The following CC2D2A variants were observed in gnomAD, a reference collection of about 807,000 sequenced individuals.
CC2D2A encodes the protein coiled-coil and C2 domain-containing protein 2A.
A neutral mutation model predicts 212.9 loss-of-function variants in CC2D2A; 155 were observed. That is an observed-to-expected ratio of 0.73 (90% CI 0.64 to 0.83). The LOEUF (loss-of-function observed/expected upper bound fraction) is 0.83. Ranked by LOEUF, CC2D2A falls within the 40% of genes least tolerant of loss-of-function variation. The pLI, the probability that CC2D2A is intolerant of heterozygous loss-of-function variation, is 0.00. For synonymous variants in CC2D2A, 667 were observed against 686.5 expected (o/e 0.97, Z 0.44); for missense variants, 1,856 against 1,956.2 (o/e 0.95, Z 0.97).
At chr4:15,532,856 A>G (rs1424687587) in intron 13 of CC2D2A, among the ~76,000 whole-genome samples, 1 of 152,262 alleles carries the variant, frequency 6.6e-6, no homozygotes, top group Non-Finnish European at 1.5e-5. Context: ...CTAGGACAGC[A>G]GCATACTTTG....
chr4:15,536,782 C>T, intron 14 of CC2D2A, 138 bp from the exon 15 acceptor site: 1 of 735,214 alleles, frequency 1.4e-6, no homozygotes, highest in Non-Finnish European at 2.2e-6. Context: ...ATCTGCCTCA[C>T]AGGATTGTGA....
At chr4:15,493,369 G>A (rs902020081) in intron 4 of CC2D2A, among the ~76,000 whole-genome samples, 1 of 152,022 alleles carries the variant, frequency 6.6e-6, no homozygotes, top group African/African-American at 2.4e-5. Flanking sequence ...CCTGGGCACA[G>A]CCATCCTCCC....
chr4:15,560,691 G>T, intron 23 of CC2D2A, 69 bp downstream of exon 23: 1 of 686,360 alleles, frequency 1.5e-6, no homozygotes, highest in Non-Finnish European at 2.4e-6. Context: ...TTATATGAAA[G>T]GTATCATATA....
chr4:15,473,416 C>G (rs1713965782), intron 1 of CC2D2A, among the ~76,000 whole-genome samples: 1 of 152,120 alleles, frequency 6.6e-6, no homozygotes, highest in Non-Finnish European at 1.5e-5. Context: ...GAAAGTGAAA[C>G]AGCAAGAGCC....
rs762297266 is a variant in CC2D2A at position 15,580,120 on chromosome 4, C to A, written c.3924C>A (p.Asn1308Lys). Residue 1308 changes from asparagine to lysine, a missense_variant, in exon 30 of 37, where the codon AAC (asparagine) becomes AAA (lysine). This residue lies in a region of CC2D2A where 20 missense variants were observed against 46.9 expected (regional missense o/e 0.43). Transcript: ENST00000424120. ...VFITRYLKPL[N>K]PPQELLNVYP... ...TCACACGTTATCTCAAACCTTTAAA[C>A]CCTCCTCAGGAGCTCCTTAATGTCT... The A allele has an allele frequency of 5.0e-6, 8 of 1,613,888 alleles. No individual in the cohort carries two copies. The highest frequency in any genetic ancestry group is 2.2e-5 in the East Asian group (1 of 44,862).
In CC2D2A at chr4:15,560,572, A is replaced by G. The variant is rs779641505; in HGVS notation, c.2964A>G (p.Gln988=). 7.2e-6 allele frequency: 11 copies of G among 1,533,404 alleles called. No individual in the cohort carries two copies. In the East Asian group the frequency reaches 9.2e-5, roughly 13 times the overall value. The allele number at this position is 1,533,404 out of a possible 1,614,324, so 95.0% of individuals were successfully genotyped here. The change falls in exon 23 of 37, where the codon CAA becomes CAG. Residue 988 remains glutamine (Q), a synonymous_variant. Coordinates refer to ENST00000424120, the MANE Select transcript of CC2D2A (RefSeq NM_001378615.1). ...SVINRFLIAK[Q]YFLLADMIVE... ...TAAATCGTTTCTTAATTGCAAAACA[A>G]TATTTTCTTCTTGCTGATATGATAG... is the stretch of plus-strand genomic sequence containing the variant.
intron 30 of CC2D2A, among the ~76,000 whole-genome samples, chr4:15,584,866 A>T (rs1720798256): frequency 6.6e-6 from 1 of 152,250 alleles, no homozygotes; most frequent in Non-Finnish European, 1.5e-5. Context: ...TCTCAAAAGA[A>T]GACAAATGTC....
chr4:15,470,713 A>C (rs1438305749), intron 1 of CC2D2A, among the ~76,000 whole-genome samples: 1,225 of 87,400 alleles, frequency 0.014, 9 homozygotes, highest in Non-Finnish European at 0.021. Flanking sequence ...ATATATATAT[A>C]TATATATATA....
intron 30 of CC2D2A, among the ~76,000 whole-genome samples, chr4:15,585,953 A>G (rs1439669381): frequency 6.6e-6 from 1 of 152,208 alleles, no homozygotes; most frequent in African/African-American, 2.4e-5. Context: ...CAGTTTCTTC[A>G]TCTGTAAAGA....
At chr4:15,559,378 A>AT (rs1247628340) in intron 22 of CC2D2A, 121 bp downstream of exon 22, 4 of 625,994 alleles carry the variant, frequency 6.4e-6, no homozygotes, top group Admixed American at 6.8e-5. Flanking sequence ...GCTTGCATAA[A>AT]TTTCCTCATA....
At chr4:15,586,846 A>G (rs1177718647) in intron 31 of CC2D2A, among the ~76,000 whole-genome samples, 1 of 152,240 alleles carries the variant, frequency 6.6e-6, no homozygotes, top group African/African-American at 2.4e-5. Flanking sequence ...CATAAAACTG[A>G]ACTGTATTAT....
chr4:15,496,014 T>A (rs760424242), intron 4 of CC2D2A, among the ~76,000 whole-genome samples: 9 of 152,246 alleles, frequency 5.9e-5, no homozygotes, highest in Non-Finnish European at 1.2e-4. Flanking sequence ...TTTCAAATGT[T>A]TGTTGGCCAC....
Position 15,591,277 on chromosome 4 carries a change from C to T in CC2D2A, c.4314+1598C>T, listed in dbSNP as rs576151960. Among the ~76,000 whole-genome samples the T allele has an allele frequency of 1.5e-4, 22 of 146,382 alleles. 1 individual carries two copies. Among genetic ancestry groups the T allele is most frequent in the Admixed American group, 1.2e-3 (17 of 14,340 alleles). ...TCTTGTTGCCCAGGCTGGAGTGCAA[C>T]GGAGCGATCTCGGCTCAACGCAACC... On this transcript the variant is annotated intron_variant, in intron 33 of 36. Transcript: ENST00000424120.
intron 6 of CC2D2A, among the ~76,000 whole-genome samples, chr4:15,508,002 T>A (rs1331604663): frequency 1.3e-5 from 2 of 152,152 alleles, no homozygotes; most frequent in Non-Finnish European, 2.9e-5. Flanking sequence ...AGATAGGGAA[T>A]TTGGCATCCA....
chr4:15,477,911 T>G (rs536232183), intron 2 of CC2D2A, among the ~76,000 whole-genome samples: 2 of 152,314 alleles, frequency 1.3e-5, no homozygotes, highest in Admixed American at 6.5e-5. Context: ...AAATTCATAC[T>G]TTGTGTTCCG....
chr4:15,493,059 A>G (rs569839924), intron 4 of CC2D2A: 116 of 360,458 alleles, frequency 3.2e-4, no homozygotes, highest in South Asian at 2.4e-3. Flanking sequence ...CATTCCCTCA[A>G]TTTTTGGGTT....
intron 36 of CC2D2A, among the ~76,000 whole-genome samples, chr4:15,600,309 C>T (rs1721527818): frequency 6.6e-6 from 1 of 152,140 alleles, no homozygotes; most frequent in Non-Finnish European, 1.5e-5. Context: ...CTCAAAAAGG[C>T]TTGAGCAATA....
At chr4:15,586,974 C>T (rs1343654785) in intron 31 of CC2D2A, among the ~76,000 whole-genome samples, 2 of 152,110 alleles carry the variant, frequency 1.3e-5, no homozygotes, top group Admixed American at 1.3e-4. Context: ...AAAATTTCTA[C>T]AACTTTGAGA....
At position 15,589,582 on chromosome 4, in the gene CC2D2A, G is replaced by T; in HGVS notation, c.4217G>T (p.Arg1406Leu). 1 of 1,612,314 alleles carries T rather than the reference G, an allele frequency of 6.2e-7. No homozygotes were observed. Among genetic ancestry groups the T allele is most frequent in the Non-Finnish European group, 8.5e-7 (1 of 1,178,962 alleles). The change falls in exon 33 of 37, where the codon CGT becomes CTT. Residue 1406 changes from arginine to leucine, a missense_variant. By Grantham distance (102) the Arg-to-Leu change is moderately radical. Coordinates refer to ENST00000424120, the MANE Select transcript of CC2D2A (RefSeq NM_001378615.1). ...TAYVLTWEQG[R>L]YLIWNPCSGH... ...TATGTGCTAACTTGGGAGCAAGGTC[G>T]TTATTTAATATGGAATCCCTGCAGT...
Sources: gnomAD v4.1 joint callset for allele counts (sites outside exome capture counted in the v4.1 genomes callset) on GRCh38, gnomAD v4.1.1 for gene constraint, gnomAD v4.1.1 regional missense constraint, MANE v1.5 for transcripts, NCBI Gene and HGNC (gene_info 2026-07-23, HGNC 2026-07-21) for gene names.